The following LAMA5 variants were observed in gnomAD, a reference collection of about 807,000 sequenced individuals.
LAMA5 encodes the protein laminin subunit alpha-5.
Under a neutral mutation model 433.4 loss-of-function variants are expected in LAMA5, and 260 were observed. The ratio of observed to expected loss-of-function variants is 0.60; its 90% CI spans 0.54 to 0.66. The LOEUF (loss-of-function observed/expected upper bound fraction) is 0.66, where lower values mean the gene tolerates loss of function less well. Among genes scored for constraint, LAMA5 ranks in the 30% least tolerant of loss-of-function variants. The pLI, the probability that LAMA5 is intolerant of heterozygous loss-of-function variation, is 0.00. For missense variants in LAMA5, 5,378 were observed against 5,258.5 expected (o/e 1.02, Z -0.70); for synonymous variants, 2,620 against 2,226.6 (o/e 1.18, Z -4.97).
At position 62,316,230 on chromosome 20, in the gene LAMA5, G is replaced by A. The variant is rs74651463; in HGVS notation, c.7757-172C>T. The A allele has an allele frequency of 1.7e-3, 1,049 of 612,114 alleles. 21 individuals carry two copies. In the East Asian group the frequency reaches 0.028, roughly 16 times the overall value. The allele number at this position is 612,114 out of a possible 1,614,324, so 37.9% of individuals were successfully genotyped here. A position where few individuals can be genotyped will look rare whatever the true frequency, so the allele number is the denominator to read the frequency against. Reference sequence around the variant, plus strand: ...CTGTGGGGAGGTGTTGAGTCTCAGCGTAGCCTCTGTTCCCTGAAGGCCTCT... The same window carrying A: ...CTGTGGGGAGGTGTTGAGTCTCAGCATAGCCTCTGTTCCCTGAAGGCCTCT... On this transcript the variant is annotated intron_variant, in intron 57 of 79. Transcript: ENST00000252999.
chr20:62,318,705 C>T, intron 52 of LAMA5, 55 bp from the exon 53 acceptor site: 1 of 1,587,116 alleles, frequency 6.3e-7, no homozygotes, highest in South Asian at 1.1e-5. Context: ...CCTTCATGAC[C>T]CCTGGTCTCC....
chr20:62,363,092 G>T (rs371569163), intron 1 of LAMA5, among the ~76,000 whole-genome samples: 5 of 152,220 alleles, frequency 3.3e-5, no homozygotes, highest in South Asian at 2.1e-4. Flanking sequence ...GGAAGGGGGA[G>T]CTGCAGACAG....
rs978070277 is a variant in LAMA5, at chr20:62,313,697, C to T, written c.8610G>A (p.Arg2870=). The change falls in exon 63 of 80, where the codon CGG becomes CGA. Residue 2870 remains arginine (R), a synonymous_variant. Transcript: ENST00000252999. ...CGACGTAGAAGACGAAGTCGTCTGG[C>T]CGCAGGTTGAGCAGCCCCTCTGCCC... ...APGAEGLLNL[R]PDDFVFYVGG... The T allele has an allele frequency of 6.2e-7, 1 of 1,612,886 alleles. No individual in the cohort carries two copies. The highest frequency in any genetic ancestry group is 8.5e-7 in the Non-Finnish European group (1 of 1,179,976).
intron 16 of LAMA5, among the ~76,000 whole-genome samples, 192 bp downstream of exon 16, chr20:62,337,398 C>T (rs569926831): frequency 3.7e-4 from 56 of 152,376 alleles, no homozygotes; most frequent in Admixed American, 1.2e-3. Flanking sequence ...GCACAGCACG[C>T]AGACACGGGC....
In LAMA5 at chr20:62,323,825, G is replaced by C. The variant is rs750315166; in HGVS notation, c.5800C>G (p.Arg1934Gly). ...CCAGGTTTGCAGAGGCACTGGGTGCGGCCGCCTCGCAGGACACAGCCCTCG... is the reference window on the plus strand; with the variant it reads ...CCAGGTTTGCAGAGGCACTGGGTGCCGCCGCCTCGCAGGACACAGCCCTCG... Reference protein sequence around the residue: ...FAEGCVLRGGRTQCLCKPGYA... With the variant: ...FAEGCVLRGGGTQCLCKPGYA... The change falls in exon 44 of 80, where the codon CGC becomes GGC. Residue 1934 changes from arginine to glycine, a missense_variant. Arg to Gly is a moderately radical substitution (Grantham distance 125). Transcript: ENST00000252999. The C allele has an allele frequency of 6.2e-7, 1 of 1,609,912 alleles. No homozygotes were observed. Among genetic ancestry groups the C allele is most frequent in the Middle Eastern group, 1.7e-4 (1 of 6,034 alleles).
At chr20:62,351,321 C>T (rs146934829) in intron 6 of LAMA5, 17 of 325,300 alleles carry the variant, frequency 5.2e-5, no homozygotes, top group East Asian at 1.7e-4. Context: ...CTGTCCATTC[C>T]GGGGGATGCA....
In LAMA5 at chr20:62,311,016, G is replaced by A. The variant is rs760949701; in HGVS notation, c.10167C>T (p.Ser3389=). The change falls in exon 74 of 80, where the codon AGC becomes AGT. Residue 3389 remains serine, a synonymous_variant. Coordinates refer to ENST00000252999, the MANE Select transcript of LAMA5 (RefSeq NM_005560.6). ...LLFTARLRPG[S]PSLALFLSNG... ...TGCTCAGGAAGAGCGCCAGGGAGGGGCTGCCGGGCCTCAGACGGGCAGTGA... is the reference window on the plus strand; with the variant it reads ...TGCTCAGGAAGAGCGCCAGGGAGGGACTGCCGGGCCTCAGACGGGCAGTGA... The A allele has an allele frequency of 1.6e-5, 26 of 1,609,814 alleles. No homozygotes were observed. The highest frequency in any genetic ancestry group is 1.6e-4 in the Middle Eastern group (1 of 6,076).
At position 62,329,060 on chromosome 20, in the gene LAMA5, A is replaced by G. The variant is rs777807110; in HGVS notation, c.4236-5T>C. 6 of 1,612,654 alleles carry G rather than the reference A, an allele frequency of 3.7e-6. No homozygotes were observed. Among genetic ancestry groups the G allele is most frequent in the African/African-American group, 2.7e-5 (2 of 75,060 alleles). On this transcript the variant is annotated splice_region_variant and splice_polypyrimidine_tract_variant and intron_variant, in intron 33 of 79. Coordinates refer to ENST00000252999, the MANE Select transcript of LAMA5 (RefSeq NM_005560.6). Reference sequence around the variant, plus strand: ...AACAGGGATGAGCTGCTGGGGCTACATGGAGGGGCACGTGGTGAGGCCAGC... The same window carrying G: ...AACAGGGATGAGCTGCTGGGGCTACGTGGAGGGGCACGTGGTGAGGCCAGC...
At chr20:62,336,084 G>T (rs1279189386) in intron 18 of LAMA5, among the ~76,000 whole-genome samples, 1 of 135,082 alleles carries the variant, frequency 7.4e-6, no homozygotes, top group East Asian at 2.2e-4. Context: ...GCCCCCCAAG[G>T]AACCCTCATA....
rs141370244 is a variant in LAMA5 at position 62,345,070 on chromosome 20, T to A, written c.1477+748A>T. On this transcript the variant is annotated intron_variant, in intron 11 of 79. Transcript: ENST00000252999. Reference sequence around the variant, plus strand: ...TTTCGCTCTGTTGCCCAGGCGGGGGTGCAGTGGTGCAATCTCGGCTCACAG... The same window carrying A: ...TTTCGCTCTGTTGCCCAGGCGGGGGAGCAGTGGTGCAATCTCGGCTCACAG... 7.9e-3 allele frequency among the ~76,000 whole-genome samples: 1,209 copies of A among 152,212 alleles called. 7 individuals carry two copies. Among genetic ancestry groups the A allele is most frequent in the African/African-American group, 0.028 (1,143 of 41,514 alleles).
At chr20:62,345,792 G>A (rs2146277180) in intron 11 of LAMA5, 26 bp downstream of exon 11, 1 of 1,535,590 alleles carries the variant, frequency 6.5e-7, no homozygotes. Context: ...GCAGGCCGGG[G>A]ACCTGGGGGC....
Position 62,318,479 on chromosome 20 carries a change from T to A in LAMA5, c.7214A>T (p.Asn2405Ile), listed in dbSNP as rs779120544. 3 of 1,603,150 alleles carry A rather than the reference T, an allele frequency of 1.9e-6. No individual in the cohort carries two copies. The highest frequency in any genetic ancestry group is 2.5e-6 in the Non-Finnish European group (3 of 1,176,652). ...CAGGGCTTCCTCCAGGCGCTCCTGG[T>A]TGCGGCTGTTGAGCTCCTGGGCCTC... The part of the protein sequence containing the change: ...TREAQELNSR[N>I]QERLEEALQR... The change falls in exon 53 of 80, where the codon AAC becomes ATC. Residue 2405 changes from asparagine (N) to isoleucine (I), a missense_variant. Transcript: ENST00000252999.
At position 62,367,040 on chromosome 20, in the gene LAMA5, G is replaced by A; in HGVS notation, c.206C>T (p.Pro69Leu). Residue 69 changes from proline (P) to leucine (L), a missense_variant, in exon 1 of 80, where the codon CCG becomes CTG. Physicochemically the swap from Pro to Leu is moderately conservative, Grantham distance 98. Coordinates refer to ENST00000252999, the MANE Select transcript of LAMA5 (RefSeq NM_005560.6). ...GGTGGGGCGCGGGGAGCCGCGCGCCGGGGCCTCCTCTCCGCAGGTCGCGGA... is the reference window on the plus strand; with the variant it reads ...GGTGGGGCGCGGGGAGCCGCGCGCCAGGGCCTCCTCTCCGCAGGTCGCGGA... ...AASATCGEEA[P>L]ARGSPRPTED... 9 of 1,260,722 alleles carry A rather than the reference G, an allele frequency of 7.1e-6. No individual in the cohort carries two copies. The highest frequency in any genetic ancestry group is 8.9e-6 in the Non-Finnish European group (9 of 1,008,580). 78.1% of individuals were successfully genotyped at this position (1,260,722 alleles called of 1,614,324 possible).
intron 2 of LAMA5, 173 bp from the exon 3 acceptor site, chr20:62,353,424 G>A: frequency 1.9e-6 from 1 of 534,940 alleles, no homozygotes; most frequent in Non-Finnish European, 3.3e-6. Flanking sequence ...CCAGGGGAGA[G>A]GGCTCCCCAG....
chr20:62,325,357 G>C lies in LAMA5; in HGVS notation c.5488C>G (p.Leu1830Val). ...CGGTAGCTGGCGGGGCACAGGCACAGCTCCACATTGCTGGCCAGGGCCCCC... is the reference window on the plus strand; with the variant it reads ...CGGTAGCTGGCGGGGCACAGGCACACCTCCACATTGCTGGCCAGGGCCCCC... ...GQGALASNVE[L>V]CLCPASYRGD... The change falls in exon 41 of 80, where the codon CTG becomes GTG. Residue 1830 changes from leucine to valine, a missense_variant. Coordinates refer to ENST00000252999, the MANE Select transcript of LAMA5 (RefSeq NM_005560.6). 6.2e-7 allele frequency: 1 copy of C among 1,606,284 alleles called. No homozygotes were observed. The highest frequency in any genetic ancestry group is 8.5e-7 in the Non-Finnish European group (1 of 1,175,648).
At position 62,324,393 on chromosome 20, in the gene LAMA5, G is replaced by T; in HGVS notation, c.5643+48C>A. ...CTGGTCTTCCCTGGCACACTTGACTGTGCCTTCAGTGAATGCTGCCCCCCT... is the reference window on the plus strand; with the variant it reads ...CTGGTCTTCCCTGGCACACTTGACTTTGCCTTCAGTGAATGCTGCCCCCCT... On this transcript the variant is annotated intron_variant, in intron 42 of 79. Coordinates refer to ENST00000252999, the MANE Select transcript of LAMA5 (RefSeq NM_005560.6). The surrounding 1 kb of genome is among the most constrained non-coding windows in gnomAD (Gnocchi z 4.4). The T allele has an allele frequency of 6.7e-7, 1 of 1,498,236 alleles. No homozygotes were observed. 92.8% of individuals were successfully genotyped at this position (1,498,236 alleles called of 1,614,324 possible). A position where few individuals can be genotyped will look rare whatever the true frequency, so the allele number is the denominator to read the frequency against.
intron 38 of LAMA5, 25 bp from the exon 39 acceptor site, chr20:62,326,991 A>G: frequency 6.6e-7 from 1 of 1,515,550 alleles, no homozygotes; most frequent in Non-Finnish European, 9.1e-7. Flanking sequence ...GACAGAGGTG[A>G]CCTGGCCAGA....
At chr20:62,348,617 A>C (rs930839414) in intron 6 of LAMA5, among the ~76,000 whole-genome samples, 22 of 152,140 alleles carry the variant, frequency 1.4e-4, no homozygotes, top group Admixed American at 3.3e-4. Context: ...AAAAAAGAAT[A>C]AAATAAAATA....
chr20:62,330,650 T>G, intron 30 of LAMA5, 36 bp from the exon 31 acceptor site: 1 of 1,575,014 alleles, frequency 6.3e-7, no homozygotes, highest in South Asian at 1.2e-5. Flanking sequence ...GGCTGAGCTA[T>G]GAGCCCCTGC....
Sources: gnomAD v4.1 joint callset for allele counts (sites outside exome capture counted in the v4.1 genomes callset) on GRCh38, gnomAD v4.1.1 for gene constraint, Gnocchi (gnomAD v3.1) non-coding constraint, MANE v1.5 for transcripts, NCBI Gene and HGNC (gene_info 2026-07-23, HGNC 2026-07-21) for gene names.